Variants in DCC observed in about 807,000 individuals in gnomAD.
The protein encoded by DCC is DCC netrin 1 receptor, also known as netrin receptor DCC.
Under a neutral mutation model 172.5 loss-of-function variants are expected in DCC, and 58 were observed. That is an observed-to-expected ratio of 0.34 (90% CI 0.27 to 0.42). DCC has a LOEUF of 0.42. DCC is among the 10% of genes least tolerant of loss of function. The probability of loss-of-function intolerance (pLI) is 1.00; values close to 1 mark genes in which losing one functional copy is unlikely to be tolerated. For synonymous variants in DCC, 709 were observed against 644.5 expected (o/e 1.10, Z -1.52); for missense variants, 1,740 against 1,791.0 (o/e 0.97, Z 0.51).
intron 5 of DCC, among the ~76,000 whole-genome samples, chr18:53,061,931 G>A (rs1026719680): frequency 6.6e-6 from 1 of 152,010 alleles, no homozygotes; most frequent in Non-Finnish European, 1.5e-5. Flanking sequence ...AAGTCTTTGG[G>A]AAAACAGACA....
At chr18:53,084,862 A>C (rs995499574) in intron 7 of DCC, among the ~76,000 whole-genome samples, 3 of 152,250 alleles carry the variant, frequency 2.0e-5, no homozygotes, top group African/African-American at 7.2e-5. Flanking sequence ...CTAATTTTGC[A>C]TCTACATTCT....
intron 17 of DCC, among the ~76,000 whole-genome samples, chr18:53,395,104 C>T (rs997242364): frequency 2.7e-5 from 4 of 147,874 alleles, no homozygotes; most frequent in African/African-American, 2.5e-5. Flanking sequence ...GAGCCAAGAT[C>T]GTGCCATTGC....
At chr18:53,286,416 A>T (rs904998251) in intron 12 of DCC, among the ~76,000 whole-genome samples, 3 of 152,152 alleles carry the variant, frequency 2.0e-5, no homozygotes, top group Middle Eastern at 3.2e-3. Flanking sequence ...CTTGTTGACC[A>T]TCATGAGATA....
intron 13 of DCC, among the ~76,000 whole-genome samples, chr18:53,312,169 A>G (rs1393648886): frequency 8.4e-5 from 3 of 35,574 alleles, no homozygotes; most frequent in African/African-American, 1.4e-4. Context: ...AAAAAAAAAA[A>G]AAAAAAAAGA....
rs953495380 is a variant in DCC at position 52,814,929 on chromosome 18, T to C, written c.412+62555T>C. ...TGGTGATGGCTAAAAAAAATGAGGCTATATTTCTGAGTTGCTTGAAAGACA... is the reference window on the plus strand; with the variant it reads ...TGGTGATGGCTAAAAAAAATGAGGCCATATTTCTGAGTTGCTTGAAAGACA... On this transcript the variant is annotated intron_variant, in intron 2 of 28. Coordinates refer to ENST00000442544, the MANE Select transcript of DCC (RefSeq NM_005215.4). Among the ~76,000 whole-genome samples the C allele has an allele frequency of 2.6e-5, 4 of 152,136 alleles. No homozygotes were observed. In the East Asian group the frequency reaches 7.7e-4, roughly 29 times the overall value.
At chr18:53,079,129 T>C (rs1226369918) in intron 7 of DCC, among the ~76,000 whole-genome samples, 1 of 152,170 alleles carries the variant, frequency 6.6e-6, no homozygotes. Context: ...GAAAAGGGAA[T>C]AAAAGTACTA....
intron 3 of DCC, among the ~76,000 whole-genome samples, chr18:52,915,139 G>A (rs1481746250): frequency 6.6e-6 from 1 of 152,016 alleles, no homozygotes; most frequent in Non-Finnish European, 1.5e-5. Flanking sequence ...TAATTTCTCT[G>A]TGTCTCAGTT....
chr18:53,335,344 T>C (rs952600437), intron 14 of DCC, among the ~76,000 whole-genome samples: 2 of 152,218 alleles, frequency 1.3e-5, no homozygotes, highest in African/African-American at 4.8e-5. Flanking sequence ...TTAGGACTTA[T>C]GTTTTGTCTT....
At chr18:52,394,143 T>G (rs2144356402) in intron 1 of DCC, among the ~76,000 whole-genome samples, 1 of 152,178 alleles carries the variant, frequency 6.6e-6, no homozygotes, top group Non-Finnish European at 1.5e-5. Flanking sequence ...TTCAGAAAAC[T>G]TGGTCCAAAT....
chr18:53,341,117 A>C (rs1021984213), intron 15 of DCC, among the ~76,000 whole-genome samples: 1 of 152,198 alleles, frequency 6.6e-6, no homozygotes, highest in Non-Finnish European at 1.5e-5. Flanking sequence ...CACAAAACTC[A>C]TATTTTATGG....
chr18:53,358,530 C>CTTTCTT (rs2057905424), intron 15 of DCC, among the ~76,000 whole-genome samples: 1 of 95,920 alleles, frequency 1.0e-5, no homozygotes, highest in Non-Finnish European at 1.9e-5. Context: ...TTCTCTCTCT[C>CTTTCTT]TTTTTTTTTT....
chr18:52,618,567 C>T (rs565746747), intron 1 of DCC, among the ~76,000 whole-genome samples: 2 of 152,274 alleles, frequency 1.3e-5, no homozygotes, highest in South Asian at 4.1e-4. Flanking sequence ...TTTTTGCAAA[C>T]CAAACACCAT....
chr18:53,010,343 T>C (rs2041709688), intron 5 of DCC, among the ~76,000 whole-genome samples: 1 of 151,914 alleles, frequency 6.6e-6, no homozygotes, highest in South Asian at 2.1e-4. Flanking sequence ...CATTGTTTTT[T>C]TTCTTATCTC....
At chr18:52,558,359 A>G (rs1012810420) in intron 1 of DCC, among the ~76,000 whole-genome samples, 1 of 152,092 alleles carries the variant, frequency 6.6e-6, no homozygotes, top group Non-Finnish European at 1.5e-5. Flanking sequence ...AACCATTAAG[A>G]ATTTCTCTAC....
intron 1 of DCC, among the ~76,000 whole-genome samples, chr18:52,679,354 G>A (rs2035701587): frequency 2.0e-5 from 3 of 152,008 alleles, no homozygotes; most frequent in African/African-American, 4.8e-5. Context: ...TACATTTTTT[G>A]ATAGTGTGTT....
intron 7 of DCC, among the ~76,000 whole-genome samples, chr18:53,135,609 A>C (rs1282828884): frequency 1.3e-5 from 2 of 152,112 alleles, no homozygotes. Context: ...GCTGCTTTCA[A>C]CTGGACAAGG....
At chr18:53,525,435 A>C (rs1307907644) in intron 27 of DCC, among the ~76,000 whole-genome samples, 1 of 152,096 alleles carries the variant, frequency 6.6e-6, no homozygotes, top group Non-Finnish European at 1.5e-5. Flanking sequence ...TGATCCCTAA[A>C]GTTCAAGAGT....
chr18:52,809,043 A>G (rs780733094), intron 2 of DCC, among the ~76,000 whole-genome samples: 12 of 152,170 alleles, frequency 7.9e-5, no homozygotes, highest in Admixed American at 7.9e-4. Flanking sequence ...CCATATGCCA[A>G]ACAGTCAGTA....
In DCC at chr18:53,219,717, G is replaced by A. The variant is rs190122163; in HGVS notation, c.1911+4120G>A. The stretch of plus-strand genomic sequence containing the variant: ...GAAAAAGTTTCTAGTGCCTTCCTAC[G>A]TCTTAAAGTGTCTCACTCTCCCTTG... On this transcript the variant is annotated intron_variant, in intron 12 of 28. Coordinates refer to ENST00000442544, the MANE Select transcript of DCC (RefSeq NM_005215.4). Among the ~76,000 whole-genome samples the A allele has an allele frequency of 1.6e-4, 24 of 152,154 alleles. No homozygotes were observed. In the East Asian group the frequency reaches 2.9e-3, roughly 18 times the overall value.
Sources: allele counts gnomAD v4.1 joint callset (sites outside exome capture counted in the v4.1 genomes callset), GRCh38; gene constraint gnomAD v4.1.1; transcripts MANE v1.5; gene names NCBI Gene and HGNC (gene_info 2026-07-23, HGNC 2026-07-21).